Variants in POC1A observed in about 807,000 individuals in gnomAD.
The protein encoded by POC1A is POC1 centriolar protein homolog A.
A neutral mutation model predicts 47.8 loss-of-function variants in POC1A; 34 were observed. The ratio of observed to expected loss-of-function variants is 0.71; its 90% CI spans 0.54 to 0.95. The LOEUF (loss-of-function observed/expected upper bound fraction) is 0.95. Ranked by LOEUF, POC1A falls within the 40% of genes least tolerant of loss-of-function variation. The probability of loss-of-function intolerance (pLI) is 0.00; values close to 1 mark genes in which losing one functional copy is unlikely to be tolerated. For synonymous variants in POC1A, 177 were observed against 207.6 expected (o/e 0.85, Z 1.27); for missense variants, 466 against 528.3 (o/e 0.88, Z 1.16).
Position 52,154,338 on chromosome 3 carries a change from C to T in POC1A, c.18+17G>A. On this transcript the variant is annotated intron_variant, in intron 1 of 10. Coordinates refer to ENST00000296484, the MANE Select transcript of POC1A (RefSeq NM_015426.5). ...GGGGAGACTGAGGCCTGGGGAGTTG[C>T]TCTCGGCTGGGCTTACCGCGCAGGG... 6.4e-7 allele frequency: 1 copy of T among 1,561,420 alleles called. No individual in the cohort carries two copies. Among genetic ancestry groups the T allele is most frequent in the Non-Finnish European group, 8.6e-7 (1 of 1,157,150 alleles).
intron 10 of POC1A, among the ~76,000 whole-genome samples, chr3:52,087,684 C>G (rs1702507264): frequency 6.6e-6 from 1 of 152,210 alleles, no homozygotes; most frequent in Non-Finnish European, 1.5e-5. Context: ...ATGAACACAG[C>G]TCTCTTTTCC....
At chr3:52,149,094 G>C in intron 4 of POC1A, 116 bp downstream of exon 4, 1 of 774,592 alleles carries the variant, frequency 1.3e-6, no homozygotes. Context: ...GGCTGAGGAA[G>C]CTTAAACAAT....
chr3:52,135,715 C>A (rs1446652126), intron 7 of POC1A, among the ~76,000 whole-genome samples: 5 of 152,170 alleles, frequency 3.3e-5, no homozygotes, highest in Non-Finnish European at 7.4e-5. Flanking sequence ...GGCATCCCTG[C>A]CCCATACGTA....
intron 7 of POC1A, among the ~76,000 whole-genome samples, chr3:52,126,039 C>A (rs1383655901): frequency 6.6e-6 from 1 of 152,222 alleles, no homozygotes; most frequent in African/African-American, 2.4e-5. Context: ...ACCATCTCTT[C>A]CTCCCAGTCG....
intron 9 of POC1A, among the ~76,000 whole-genome samples, chr3:52,118,565 G>A (rs527325757): frequency 6.6e-6 from 1 of 152,324 alleles, no homozygotes; most frequent in South Asian, 2.1e-4. Flanking sequence ...TTCCTGGGCA[G>A]AAGGACCATC....
chr3:52,130,738 C>T (rs527397659), intron 7 of POC1A, among the ~76,000 whole-genome samples: 1 of 152,248 alleles, frequency 6.6e-6, no homozygotes, highest in Non-Finnish European at 1.5e-5. Flanking sequence ...TGGCCCACTC[C>T]CAGAGCTGCC....
chr3:52,130,662 C>A (rs1704179200), intron 7 of POC1A, among the ~76,000 whole-genome samples: 1 of 152,210 alleles, frequency 6.6e-6, no homozygotes, highest in Non-Finnish European at 1.5e-5. Flanking sequence ...CCCTCCTGAG[C>A]ATCAAAACAG....
rs778562687 is a variant in POC1A, at chr3:52,075,870, G to C, written c.*17C>G. 8 of 1,594,666 alleles carry C rather than the reference G, an allele frequency of 5.0e-6. No homozygotes were observed. The highest frequency in any genetic ancestry group is 6.9e-6 in the Non-Finnish European group (8 of 1,162,716). ...CCACCTGCAAATCCACCGAGCTCCT[G>C]ATTCCTGCTCCCCTGATCATGGTGT... On this transcript the variant is annotated 3_prime_UTR_variant, in exon 11 of 11. Transcript: ENST00000296484.
At chr3:52,152,349 T>C (rs937267994) in intron 1 of POC1A, among the ~76,000 whole-genome samples, 7 of 152,014 alleles carry the variant, frequency 4.6e-5, no homozygotes, top group East Asian at 1.9e-4. Context: ...GCGGGCAGAT[T>C]ACCTGAGGTC....
Position 52,122,544 on chromosome 3 carries a change from A to C in POC1A, c.883-67T>G. The C allele has an allele frequency of 3.0e-6, 3 of 1,014,264 alleles. No homozygotes were observed. In the East Asian group the frequency reaches 7.1e-5, roughly 24 times the overall value. The allele number at this position is 1,014,264 out of a possible 1,614,324, so 62.8% of individuals were successfully genotyped here. A position where few individuals can be genotyped will look rare whatever the true frequency, so the allele number is the denominator to read the frequency against. On this transcript the variant is annotated intron_variant, in intron 8 of 10. Coordinates refer to ENST00000296484, the MANE Select transcript of POC1A (RefSeq NM_015426.5). ...CCCCTTGCCAGTCCTTCACTGAGGA[A>C]ATGGGCTCAGAGGCCATGCCCAAAG...
chr3:52,128,903 C>G (rs1704111337), intron 7 of POC1A, among the ~76,000 whole-genome samples: 1 of 152,196 alleles, frequency 6.6e-6, no homozygotes, highest in South Asian at 2.1e-4. Flanking sequence ...TTCCAGTATG[C>G]AACATTTTCA....
intron 10 of POC1A, among the ~76,000 whole-genome samples, chr3:52,078,123 C>A (rs1027797567): frequency 3.3e-5 from 5 of 152,186 alleles, no homozygotes; most frequent in African/African-American, 1.2e-4. Flanking sequence ...AAGGCAGTTT[C>A]TCCCCCTCCA....
chr3:52,128,849 C>T (rs1704109461), intron 7 of POC1A, among the ~76,000 whole-genome samples: 1 of 152,286 alleles, frequency 6.6e-6, no homozygotes, highest in African/African-American at 2.4e-5. Context: ...CAATTTAAGG[C>T]TACAAATTTG....
chr3:52,119,359 G>A (rs1329305932), intron 9 of POC1A, among the ~76,000 whole-genome samples: 1 of 151,312 alleles, frequency 6.6e-6, no homozygotes, highest in Non-Finnish European at 1.5e-5. Context: ...GGACAATTCT[G>A]CCCACCAGAG....
intron 7 of POC1A, among the ~76,000 whole-genome samples, chr3:52,127,893 G>A (rs1704069913): frequency 6.6e-6 from 1 of 151,910 alleles, no homozygotes; most frequent in Non-Finnish European, 1.5e-5. Flanking sequence ...ACGGGGTTTC[G>A]CCATGTTGGC....
Position 52,145,926 on chromosome 3 carries a change from G to A in POC1A, c.599C>T (p.Thr200Met), listed in dbSNP as rs368925431. 18 of 1,613,522 alleles carry A rather than the reference G, an allele frequency of 1.1e-5. No individual in the cohort carries two copies. Among genetic ancestry groups the A allele is most frequent in the South Asian group, 2.2e-5 (2 of 91,084 alleles). Residue 200 changes from threonine to methionine, a missense_variant, in exon 6 of 11, where the codon ACG (threonine) becomes ATG (methionine). Coordinates refer to ENST00000296484, the MANE Select transcript of POC1A (RefSeq NM_015426.5). ...VTYVDFHPSG[T>M]CIAAAGMDNT... Reference sequence around the variant, plus strand: ...GTCCATGCCGGCAGCGGCAATGCACGTCCCACTGGGGTGGAAGTCCACATA... The same window carrying A: ...GTCCATGCCGGCAGCGGCAATGCACATCCCACTGGGGTGGAAGTCCACATA...
At chr3:52,134,723 T>C (rs1704376863) in intron 7 of POC1A, among the ~76,000 whole-genome samples, 2 of 151,946 alleles carry the variant, frequency 1.3e-5, no homozygotes. Context: ...ACACAGGTAC[T>C]TGTCCCAGCT....
chr3:52,106,996 G>A (rs528774226), intron 9 of POC1A, among the ~76,000 whole-genome samples: 1 of 152,378 alleles, frequency 6.6e-6, no homozygotes, highest in African/African-American at 2.4e-5. Context: ...CCCCCAGGAG[G>A]AAGAAGTTGA....
intron 9 of POC1A, among the ~76,000 whole-genome samples, chr3:52,112,519 G>C (rs1703420615): frequency 6.6e-6 from 1 of 152,170 alleles, no homozygotes; most frequent in Admixed American, 6.5e-5. Flanking sequence ...GTGCATGCCT[G>C]TAATCCCAGC....
Sources: gnomAD v4.1 joint callset for allele counts (sites outside exome capture counted in the v4.1 genomes callset) on GRCh38, gnomAD v4.1.1 for gene constraint, MANE v1.5 for transcripts, NCBI Gene and HGNC (gene_info 2026-07-23, HGNC 2026-07-21) for gene names.